The following CSGALNACT1 variants were observed in gnomAD, a reference collection of about 807,000 sequenced individuals.
CSGALNACT1 encodes beta4GalNAcT-1.
Under a neutral mutation model 51.0 loss-of-function variants are expected in CSGALNACT1, and 52 were observed. That is an observed-to-expected ratio of 1.02 (90% confidence interval 0.82 to 1.29). CSGALNACT1 has a LOEUF of 1.29. Among genes scored for constraint, CSGALNACT1 ranks in the 50% most tolerant of loss-of-function variants. The probability of loss-of-function intolerance (pLI) is 0.00; values close to 1 mark genes in which losing one functional copy is unlikely to be tolerated. For missense variants in CSGALNACT1, 935 were observed against 679.2 expected, an observed-to-expected ratio of 1.38 and a Z score of -4.19; for synonymous variants, 341 against 254.4, an observed-to-expected ratio of 1.34 and a Z score of -3.24.
At chr8:19,424,921 T>C (rs555656679) in intron 6 of CSGALNACT1, among the ~76,000 whole-genome samples, 2 of 152,310 alleles carry the variant, frequency 1.3e-5, no homozygotes, top group Admixed American at 1.3e-4. Flanking sequence ...TTATTCTCTG[T>C]CCTGCTTCCC....
chr8:19,437,339 G>T (rs575153790), intron 6 of CSGALNACT1, among the ~76,000 whole-genome samples: 1 of 152,188 alleles, frequency 6.6e-6, no homozygotes, highest in Non-Finnish European at 1.5e-5. Flanking sequence ...AGTTTGGCTA[G>T]GGAGCAGTGA....
chr8:19,582,490 G>A (rs916077850), intron 3 of CSGALNACT1, among the ~76,000 whole-genome samples: 3 of 152,200 alleles, frequency 2.0e-5, no homozygotes, highest in African/African-American at 7.2e-5. Flanking sequence ...TAGTTCAGCT[G>A]TGAAGAAAAT....
intron 3 of CSGALNACT1, among the ~76,000 whole-genome samples, chr8:19,590,395 A>G (rs1032747804): frequency 6.6e-6 from 1 of 152,204 alleles, no homozygotes; most frequent in Non-Finnish European, 1.5e-5. Flanking sequence ...GCGATATCTT[A>G]TCTTTGCACA....
chr8:19,749,495 C>T (rs996482969), intron 1 of CSGALNACT1, among the ~76,000 whole-genome samples: 3 of 152,120 alleles, frequency 2.0e-5, no homozygotes, highest in Non-Finnish European at 4.4e-5. Context: ...CTGAGGTAGA[C>T]GTTTCTGAAC....
chr8:19,586,405 TA>T (rs36101386), intron 3 of CSGALNACT1, among the ~76,000 whole-genome samples: 25,920 of 126,690 alleles, frequency 0.2, 2,421 homozygotes, highest in East Asian at 0.34. Flanking sequence ...CGTAGTCTTA[TA>T]GAAAAAAAAA....
chr8:19,689,325 A>G (rs1459152273), intron 1 of CSGALNACT1, among the ~76,000 whole-genome samples: 2 of 152,180 alleles, frequency 1.3e-5, no homozygotes, highest in Non-Finnish European at 2.9e-5. Flanking sequence ...GAGAGGAACC[A>G]GGACCCCGGC....
At chr8:19,487,679 A>T (rs1364501885) in intron 4 of CSGALNACT1, among the ~76,000 whole-genome samples, 1 of 152,136 alleles carries the variant, frequency 6.6e-6, no homozygotes, top group Non-Finnish European at 1.5e-5. Flanking sequence ...GCTTGGTACA[A>T]GTCAACTATT....
At chr8:19,534,851 G>A (rs2083443428) in intron 3 of CSGALNACT1, among the ~76,000 whole-genome samples, 1 of 152,136 alleles carries the variant, frequency 6.6e-6, no homozygotes, top group African/African-American at 2.4e-5. Flanking sequence ...AAGTCAAGTG[G>A]GGAGTTTGTA....
At chr8:19,669,981 T>G (rs2059665337) in intron 1 of CSGALNACT1, among the ~76,000 whole-genome samples, 1 of 152,180 alleles carries the variant, frequency 6.6e-6, no homozygotes, top group African/African-American at 2.4e-5. Context: ...TTCCCATTTC[T>G]TTTATATTTT....
intron 1 of CSGALNACT1, among the ~76,000 whole-genome samples, chr8:19,681,255 G>C (rs1296735089): frequency 6.6e-6 from 1 of 152,142 alleles, no homozygotes; most frequent in African/African-American, 2.4e-5. Context: ...AGCAAGGAAA[G>C]GAACAGAGTA....
chr8:19,406,123 C>T, intron 9 of CSGALNACT1, 54 bp from the exon 9 acceptor site: 1 of 1,606,176 alleles, frequency 6.2e-7, no homozygotes, highest in Non-Finnish European at 8.5e-7. Context: ...GTTTTGCTTC[C>T]CTGAGTTGCA....
intron 2 of CSGALNACT1, among the ~76,000 whole-genome samples, chr8:19,595,888 G>A (rs1379081216): frequency 7.0e-6 from 1 of 143,296 alleles, no homozygotes; most frequent in African/African-American, 2.6e-5. Context: ...TTTTGAGACA[G>A]GGTCTCACTC....
At chr8:19,460,343 T>A (rs1586514575) in intron 4 of CSGALNACT1, among the ~76,000 whole-genome samples, 1 of 152,200 alleles carries the variant, frequency 6.6e-6, no homozygotes, top group Non-Finnish European at 1.5e-5. Flanking sequence ...TGTTATTGGT[T>A]ATTGTTGTTA....
rs1465289626 is a variant in CSGALNACT1 at position 19,497,540 on chromosome 8, T to C, written c.634+7661A>G. Among the ~76,000 whole-genome samples the C allele has an allele frequency of 2.6e-5, 4 of 152,156 alleles. No homozygotes were observed. The South Asian group carries it at 6.2e-4, about 24-fold the overall frequency. ...TGCTGGAGCTATCTGACGGAGAATT[T>C]AAAACAACCATGAATAATATGTTAA... On this transcript the variant is annotated intron_variant, in intron 4 of 9. Transcript: ENST00000454498.
chr8:19,645,646 T>C (rs1260405143), intron 1 of CSGALNACT1, among the ~76,000 whole-genome samples: 2 of 152,234 alleles, frequency 1.3e-5, no homozygotes, highest in Non-Finnish European at 2.9e-5. Flanking sequence ...ATGGAAGCTG[T>C]AAGTCCATTA....
chr8:19,754,839 C>A (rs1051570437), intron 1 of CSGALNACT1, among the ~76,000 whole-genome samples: 5 of 152,198 alleles, frequency 3.3e-5, no homozygotes, highest in Admixed American at 6.5e-5. Flanking sequence ...AAGCTCCTCT[C>A]CAACCCGGCT....
intron 1 of CSGALNACT1, among the ~76,000 whole-genome samples, chr8:19,668,994 C>A (rs911700079): frequency 2.6e-5 from 4 of 152,200 alleles, no homozygotes; most frequent in Admixed American, 1.3e-4. Context: ...CACCAAAATG[C>A]TTCTGCAGAA....
intron 1 of CSGALNACT1, among the ~76,000 whole-genome samples, chr8:19,664,426 G>C (rs2059015365): frequency 6.6e-6 from 1 of 152,164 alleles, no homozygotes; most frequent in African/African-American, 2.4e-5. Context: ...AGACAGTATG[G>C]AGACTTCTCA....
chr8:19,450,582 G>C (rs111914141), intron 5 of CSGALNACT1, among the ~76,000 whole-genome samples: 1 of 152,078 alleles, frequency 6.6e-6, no homozygotes, highest in Middle Eastern at 3.2e-3. Context: ...ACAGTTCCAG[G>C]CATTTGATTT....
Sources: allele counts gnomAD v4.1 joint callset (sites outside exome capture counted in the v4.1 genomes callset), GRCh38; gene constraint gnomAD v4.1.1; transcripts MANE v1.5; gene names NCBI Gene and HGNC (gene_info 2026-07-23, HGNC 2026-07-21).